BMPR2: variants seen among roughly 807,000 people sequenced by gnomAD.
BMPR2 encodes bone morphogenetic protein receptor type-2.
Under a neutral mutation model 100.8 loss-of-function variants are expected in BMPR2, and 29 were observed. The ratio of observed to expected loss-of-function variants is 0.29; its 90% CI spans 0.21 to 0.39. The LOEUF is 0.39. BMPR2 is among the 10% of genes least tolerant of loss of function. BMPR2 has a pLI of 1.00. For missense variants in BMPR2, 1,011 were observed against 1,274.5 expected (o/e 0.79, Z 3.15); for synonymous variants, 382 against 442.3 (o/e 0.86, Z 1.71).
intron 12 of BMPR2, among the ~76,000 whole-genome samples, chr2:202,557,316 T>C (rs960886138): frequency 7.9e-5 from 12 of 151,894 alleles, no homozygotes; most frequent in African/African-American, 2.4e-4. Flanking sequence ...TACAAAAAAT[T>C]AGCCGCGTGT....
intron 3 of BMPR2, among the ~76,000 whole-genome samples, chr2:202,477,803 A>G (rs560607884): frequency 5.0e-4 from 76 of 152,248 alleles, no homozygotes; most frequent in Middle Eastern, 3.4e-3. Context: ...AAATAAATAA[A>G]TAAATAATAA....
At chr2:202,485,649 G>A (rs1428688540) in intron 3 of BMPR2, among the ~76,000 whole-genome samples, 1 of 143,056 alleles carries the variant, frequency 7.0e-6, no homozygotes, top group Non-Finnish European at 1.5e-5. Context: ...CGGGTTCAAC[G>A]GATTCTTCTG....
intron 1 of BMPR2, among the ~76,000 whole-genome samples, chr2:202,454,466 C>T (rs534566154): frequency 1.7e-4 from 26 of 152,142 alleles, no homozygotes; most frequent in Admixed American, 3.9e-4. Flanking sequence ...GGAAGTAAAT[C>T]GGGGATAAAG....
Position 202,408,087 on chromosome 2 carries a change from C to T in BMPR2, c.76+30537C>T, listed in dbSNP as rs183847393. ...TGACCTCGTGATCTGCCCGCCTCTG[C>T]CTCCCAAAGTGCTGGGATTACAGGC... On this transcript the variant is annotated intron_variant, in intron 1 of 12. Transcript: ENST00000374580. 2.0e-3 allele frequency among the ~76,000 whole-genome samples: 300 copies of T among 152,208 alleles called. 1 individual carries two copies. The highest frequency in any genetic ancestry group is 6.6e-3 in the African/African-American group (273 of 41,546).
At chr2:202,434,143 C>T (rs1345069026) in intron 1 of BMPR2, among the ~76,000 whole-genome samples, 2 of 150,634 alleles carry the variant, frequency 1.3e-5, no homozygotes, top group East Asian at 1.9e-4. Flanking sequence ...GGGCCAAAAC[C>T]ATTGCACCCA....
chr2:202,415,812 A>T (rs762354673), intron 1 of BMPR2, among the ~76,000 whole-genome samples: 11 of 152,218 alleles, frequency 7.2e-5, no homozygotes, highest in Non-Finnish European at 1.3e-4. Flanking sequence ...GCACCCGATC[A>T]CCCAAGAGCT....
At chr2:202,474,280 C>T (rs531895215) in intron 3 of BMPR2, among the ~76,000 whole-genome samples, 2 of 151,754 alleles carry the variant, frequency 1.3e-5, no homozygotes, top group East Asian at 2.0e-4. Context: ...ATGACGAAAC[C>T]CCATCTCTAC....
intron 10 of BMPR2, among the ~76,000 whole-genome samples, chr2:202,550,619 C>G (rs1183961589): frequency 6.6e-6 from 1 of 151,992 alleles, no homozygotes; most frequent in Non-Finnish European, 1.5e-5. Context: ...CTTTGGGAGA[C>G]CGAGGCAGAA....
intron 9 of BMPR2, among the ~76,000 whole-genome samples, chr2:202,537,057 C>T (rs1406230433): frequency 3.3e-5 from 5 of 151,886 alleles, no homozygotes; most frequent in Non-Finnish European, 5.9e-5. Flanking sequence ...CCACCACGCC[C>T]GGCTAGTATT....
intron 1 of BMPR2, among the ~76,000 whole-genome samples, chr2:202,449,135 C>T (rs1334995711): frequency 1.3e-5 from 2 of 151,582 alleles, no homozygotes; most frequent in Non-Finnish European, 2.9e-5. Flanking sequence ...ATGGAGAAAC[C>T]CTGTCTCTAC....
At chr2:202,469,583 G>A in intron 3 of BMPR2, 1 of 225,118 alleles carries the variant, frequency 4.4e-6, no homozygotes, top group Non-Finnish European at 9.2e-6. Context: ...AGGTTCAAGT[G>A]ATCTCCTGTC....
chr2:202,562,939 T>C lies in BMPR2; in HGVS notation c.*2993T>C, dbSNP rs922119787. On this transcript the variant is annotated 3_prime_UTR_variant, in exon 13 of 13. Transcript: ENST00000374580. ...TTTCTCTTAAACCTCAGAGCAACCA[T>C]ATGAGCATTGTAATTAATATTCCCA... 2 of 152,088 alleles carry C rather than the reference T, an allele frequency of 1.3e-5. No individual in the cohort carries two copies. Among genetic ancestry groups the C allele is most frequent in the Non-Finnish European group, 1.5e-5 (1 of 68,022 alleles). 9.4% of individuals were successfully genotyped at this position (152,088 alleles called of 1,614,324 possible).
rs1159004718 is a variant in BMPR2 at position 202,530,811 on chromosome 2, A to C, written c.985A>C (p.Ile329Leu). 1.2e-6 allele frequency: 2 copies of C among 1,613,010 alleles called. No homozygotes were observed. Among genetic ancestry groups the C allele is most frequent in the African/African-American group, 2.7e-5 (2 of 75,002 alleles). Residue 329 changes from isoleucine to leucine, a missense_variant, in exon 8 of 13, where the codon ATT (isoleucine) becomes CTT (leucine). Around this residue, in one of 6 missense-constraint regions of BMPR2, gnomAD observed 355 missense variants for 455.3 expected, o/e 0.78. Coordinates refer to ENST00000374580, the MANE Select transcript of BMPR2 (RefSeq NM_001204.7). ...LPRGDHYKPAISHRDLNSRNV... is the reference protein window; with the variant it reads ...LPRGDHYKPALSHRDLNSRNV... The stretch of plus-strand genomic sequence containing the variant: ...CCAAACAGATCATTATAAACCTGCA[A>C]TTTCCCATCGAGATTTAAACAGCAG...
intron 7 of BMPR2, among the ~76,000 whole-genome samples, chr2:202,524,664 G>C (rs1424645092): frequency 2.6e-5 from 4 of 151,144 alleles, no homozygotes; most frequent in Admixed American, 1.3e-4. Context: ...GATTGTTTGA[G>C]CCCGGGAGGC....
chr2:202,456,478 G>T (rs1277753455), intron 1 of BMPR2, among the ~76,000 whole-genome samples: 2 of 150,132 alleles, frequency 1.3e-5, no homozygotes, highest in African/African-American at 2.4e-5. Context: ...GCGCCCGACC[G>T]ATTGGTTCTA....
chr2:202,463,148 A>G (rs1692254352), intron 1 of BMPR2, among the ~76,000 whole-genome samples: 1 of 152,202 alleles, frequency 6.6e-6, no homozygotes, highest in South Asian at 2.1e-4. Flanking sequence ...TAGAAAATAT[A>G]TAATGGTAAA....
chr2:202,447,338 T>C (rs1054311560), intron 1 of BMPR2, among the ~76,000 whole-genome samples: 2 of 150,378 alleles, frequency 1.3e-5, no homozygotes, highest in Non-Finnish European at 2.9e-5. Flanking sequence ...TTTTCATGAC[T>C]GCATAGTATT....
intron 1 of BMPR2, among the ~76,000 whole-genome samples, chr2:202,441,717 C>CAAAA (rs33963123): frequency 6.8e-5 from 3 of 43,964 alleles, no homozygotes; most frequent in Non-Finnish European, 7.6e-5. Flanking sequence ...GACTCCGTCT[C>CAAAA]AAAAAAAAAA....
chr2:202,472,805 C>T (rs1316428237), intron 3 of BMPR2, among the ~76,000 whole-genome samples: 3 of 152,136 alleles, frequency 2.0e-5, no homozygotes, highest in African/African-American at 4.8e-5. Flanking sequence ...AGCTAGGAAT[C>T]AGTAATGCTA....
Sources: gnomAD v4.1 joint callset for allele counts (sites outside exome capture counted in the v4.1 genomes callset) on GRCh38, gnomAD v4.1.1 for gene constraint, gnomAD v4.1.1 regional missense constraint, MANE v1.5 for transcripts, NCBI Gene and HGNC (gene_info 2026-07-23, HGNC 2026-07-21) for gene names.